Variants in PIK3CG observed in about 807,000 individuals in gnomAD.
PIK3CG encodes phosphatidylinositol-4,5-bisphosphate 3-kinase catalytic subunit gamma.
A neutral mutation model predicts 102.3 loss-of-function variants in PIK3CG; 55 were observed. That is an observed-to-expected ratio of 0.54 (90% confidence interval 0.43 to 0.67). The LOEUF (loss-of-function observed/expected upper bound fraction) is 0.67. Among genes scored for constraint, PIK3CG ranks in the 30% least tolerant of loss-of-function variants. The pLI is 0.00. For missense variants in PIK3CG, 1,258 were observed against 1,391.8 expected, an observed-to-expected ratio of 0.90 and a Z score of 1.53; for synonymous variants, 552 against 540.0, an observed-to-expected ratio of 1.02 and a Z score of -0.31.
In PIK3CG at chr7:106,897,466, A is replaced by G. The variant is rs1309642711; in HGVS notation, c.3031-7643A>G. 6.6e-5 allele frequency among the ~76,000 whole-genome samples: 10 copies of G among 152,124 alleles called. No individual in the cohort carries two copies. ...GTCACAGGGGTTTGTTGTACACATC[A>G]TTTCGTCACCCAGGCATTAAGCCCA... On this transcript the variant is annotated intron_variant, in intron 10 of 10. Transcript: ENST00000496166. This position sits in a 1 kb window ranked among gnomAD's most constrained non-coding sequence, Gnocchi z 4.6.
chr7:106,867,807 CGTG>C lies in PIK3CG; in HGVS notation c.248_250del (p.Val83del). 1.9e-6 allele frequency: 3 copies of C among 1,612,490 alleles called. No individual in the cohort carries two copies. The highest frequency in any genetic ancestry group is 2.5e-6 in the Non-Finnish European group (3 of 1,179,948). Reference sequence around the variant, plus strand: ...TGTGGCTGCGAGCGCTGGAGACCAGCGTGGCGGCGGACTTCTACCACCGGCTGG... The same window carrying C: ...TGTGGCTGCGAGCGCTGGAGACCAGCGCGGCGGACTTCTACCACCGGCTGG... On this transcript the variant is annotated inframe_deletion, in exon 2 of 11. Transcript: ENST00000496166. The surrounding 1 kb of genome is among the most constrained non-coding windows in gnomAD (Gnocchi z 5.1).
In PIK3CG at chr7:106,865,414, G is replaced by T. The variant is rs577617641; in HGVS notation, c.-25G>T. ...ATGATCCTTCAGCATCATCGCCTCC[G>T]CTGCTTTATCAGGTATTGCTTCCTT... On this transcript the variant is annotated 5_prime_UTR_variant, in exon 1 of 11. Transcript: ENST00000496166. 1 of 152,252 alleles carries T rather than the reference G, an allele frequency of 6.6e-6. No individual in the cohort carries two copies. The highest frequency in any genetic ancestry group is 1.9e-4 in the East Asian group (1 of 5,182). 9.4% of individuals were successfully genotyped at this position (152,252 alleles called of 1,614,324 possible).
chr7:106,878,426 A>AT (rs1294013880), intron 5 of PIK3CG, among the ~76,000 whole-genome samples: 2 of 152,012 alleles, frequency 1.3e-5, no homozygotes, highest in Admixed American at 6.6e-5. Context: ...TTTTCAACCA[A>AT]TTTTTTATGT....
chr7:106,904,640 C>T (rs1451256081), intron 10 of PIK3CG, among the ~76,000 whole-genome samples: 2 of 152,178 alleles, frequency 1.3e-5, no homozygotes, highest in Non-Finnish European at 2.9e-5. Flanking sequence ...TTTTCTTAGA[C>T]TTGAACAGAG....
Position 106,891,420 on chromosome 7 carries a change from C to T in PIK3CG, c.3030+5128C>T, listed in dbSNP as rs1018668498. Among the ~76,000 whole-genome samples the T allele has an allele frequency of 6.6e-6, 1 of 152,126 alleles. No individual in the cohort carries two copies. The highest frequency in any genetic ancestry group is 2.1e-4 in the South Asian group (1 of 4,828). ...ACAAATATGTGAGTGTAATATGGTA[C>T]ATATTCACATTTTTGTAGAGATTTC... On this transcript the variant is annotated intron_variant, in intron 10 of 10. Transcript: ENST00000496166. This position sits in a 1 kb window ranked among gnomAD's most constrained non-coding sequence, Gnocchi z 4.4.
In PIK3CG at chr7:106,867,722, C is replaced by T. The variant is rs758881061; in HGVS notation, c.161C>T (p.Pro54Leu). The T allele has an allele frequency of 1.9e-6, 3 of 1,613,112 alleles. No homozygotes were observed. Among genetic ancestry groups the T allele is most frequent in the Non-Finnish European group, 2.5e-6 (3 of 1,179,876 alleles). The change falls in exon 2 of 11, where the codon CCC becomes CTC. Residue 54 changes from proline to leucine, a missense_variant. Around this residue, in one of 2 missense-constraint regions of PIK3CG, gnomAD observed 832 missense variants for 787.5 expected, o/e 1.06. Coordinates refer to ENST00000496166, the MANE Select transcript of PIK3CG (RefSeq NM_001282426.2). The surrounding 1 kb of genome is among the most constrained non-coding windows in gnomAD (Gnocchi z 5.1). ...ACCAGCCAGCGCAAATGCAAGAGCC[C>T]CGAAACGGCGCTGCTGCACGTGGCC... The part of the protein sequence containing the change: ...LPTSQRKCKS[P>L]ETALLHVAGH...
At chr7:106,878,229 T>G (rs1013255304) in intron 5 of PIK3CG, among the ~76,000 whole-genome samples, 3 of 152,170 alleles carry the variant, frequency 2.0e-5, no homozygotes, top group Non-Finnish European at 4.4e-5. Context: ...TGATGATGAG[T>G]CTTATCTTTG....
In PIK3CG at chr7:106,869,514, G is replaced by A; in HGVS notation, c.1953G>A (p.Leu651=). The A allele has an allele frequency of 1.2e-6, 2 of 1,613,784 alleles. No individual in the cohort carries two copies. Among genetic ancestry groups the A allele is most frequent in the Non-Finnish European group, 1.7e-6 (2 of 1,179,792 alleles). Residue 651 remains leucine (L), a synonymous_variant, in exon 2 of 11, where the codon TTG becomes TTA. Transcript: ENST00000496166. This position sits in a 1 kb window ranked among gnomAD's most constrained non-coding sequence, Gnocchi z 5.3. ...RAIAVQKLES[L]EDDDVLHYLL... Reference sequence around the variant, plus strand: ...TTGCAGTTCAGAAACTGGAGAGCTTGGAGGACGATGATGTTCTGCATTACC... The same window carrying A: ...TTGCAGTTCAGAAACTGGAGAGCTTAGAGGACGATGATGTTCTGCATTACC...
intron 10 of PIK3CG, among the ~76,000 whole-genome samples, chr7:106,888,219 G>A (rs1008424164): frequency 2.0e-5 from 3 of 152,112 alleles, no homozygotes; most frequent in East Asian, 3.9e-4. Context: ...GATTACAGGC[G>A]TGAGCCACTG....
chr7:106,884,154 G>A lies in PIK3CG; in HGVS notation c.2761-1G>A, dbSNP rs1791018881. 6.2e-7 allele frequency: 1 copy of A among 1,607,320 alleles called. No homozygotes were observed. The highest frequency in any genetic ancestry group is 8.5e-7 in the Non-Finnish European group (1 of 1,174,810). ...CTAATATTCAAATGCATTTTAATTA[G>A]TTTCAGGCAGCAGTGGAGAGATTTG... On this transcript the variant is annotated splice_acceptor_variant, in intron 8 of 10. Coordinates refer to ENST00000496166, the MANE Select transcript of PIK3CG (RefSeq NM_001282426.2). LOFTEE classifies it high-confidence loss of function. The surrounding 1 kb of genome is among the most constrained non-coding windows in gnomAD (Gnocchi z 4.2).
In PIK3CG at chr7:106,893,840, T is replaced by G. The variant is rs1333960992; in HGVS notation, c.3030+7548T>G. On this transcript the variant is annotated intron_variant, in intron 10 of 10. Coordinates refer to ENST00000496166, the MANE Select transcript of PIK3CG (RefSeq NM_001282426.2). The surrounding 1 kb of genome is among the most constrained non-coding windows in gnomAD (Gnocchi z 4.4). ...CAGAGTGAACTTACACAAACCTAGG[T>G]GGTAGTCTTCCACACACCTAGGCTA... Among the ~76,000 whole-genome samples the G allele has an allele frequency of 6.6e-6, 1 of 152,126 alleles. No individual in the cohort carries two copies. The highest frequency in any genetic ancestry group is 1.5e-5 in the Non-Finnish European group (1 of 68,004).
rs2116520334 is a variant in PIK3CG, at chr7:106,879,432, A to T, written c.2392-87A>T. ...CTAGGACTTTGTCCTTGTTGTTTAT[A>T]GTGATGTTTTGCAAGAGAATTTGTG... On this transcript the variant is annotated intron_variant, in intron 5 of 10. Coordinates refer to ENST00000496166, the MANE Select transcript of PIK3CG (RefSeq NM_001282426.2). This position sits in a 1 kb window ranked among gnomAD's most constrained non-coding sequence, Gnocchi z 4.9. 9.7e-7 allele frequency: 1 copy of T among 1,034,808 alleles called. No homozygotes were observed. The highest frequency in any genetic ancestry group is 1.5e-6 in the Non-Finnish European group (1 of 663,620). The allele number at this position is 1,034,808 out of a possible 1,614,324, so 64.1% of individuals were successfully genotyped here.
chr7:106,884,008 C>G lies in PIK3CG; in HGVS notation c.2761-147C>G. 1 of 613,778 alleles carries G rather than the reference C, an allele frequency of 1.6e-6. No homozygotes were observed. 38.0% of individuals were successfully genotyped at this position (613,778 alleles called of 1,614,324 possible). On this transcript the variant is annotated intron_variant, in intron 8 of 10. Transcript: ENST00000496166. This position sits in a 1 kb window ranked among gnomAD's most constrained non-coding sequence, Gnocchi z 4.2. Reference sequence around the variant, plus strand: ...CAGAGCAATGAGAAAGTTGGCAATTCATAGATATAATGCTAATGAAATCAG... The same window carrying G: ...CAGAGCAATGAGAAAGTTGGCAATTGATAGATATAATGCTAATGAAATCAG...
rs1204399335 is a variant in PIK3CG, at chr7:106,897,943, TTG to T, written c.3031-7165_3031-7164del. ...AAATGGTAGTCATGCTTTTAGCTCT[TTG>T]AAGAATCGCCACATTGCTTTCCACA... On this transcript the variant is annotated intron_variant, in intron 10 of 10. Coordinates refer to ENST00000496166, the MANE Select transcript of PIK3CG (RefSeq NM_001282426.2). The surrounding 1 kb of genome is among the most constrained non-coding windows in gnomAD (Gnocchi z 4.6). Among the ~76,000 whole-genome samples, 1 of 152,192 alleles carries T rather than the reference TTG, an allele frequency of 6.6e-6. No individual in the cohort carries two copies. The highest frequency in any genetic ancestry group is 2.4e-5 in the African/African-American group (1 of 41,450).
At position 106,897,515 on chromosome 7, in the gene PIK3CG, C is replaced by T. The variant is rs1235528736; in HGVS notation, c.3031-7594C>T. ...CAGTACCCAATAGTTATCTTTTTTG[C>T]TCCTCTCCCTCCTCTCATTCTCTCC... is the stretch of plus-strand genomic sequence containing the variant. On this transcript the variant is annotated intron_variant, in intron 10 of 10. Transcript: ENST00000496166. This position sits in a 1 kb window ranked among gnomAD's most constrained non-coding sequence, Gnocchi z 4.6. Among the ~76,000 whole-genome samples the T allele has an allele frequency of 1.3e-5, 2 of 151,856 alleles. No homozygotes were observed. Among genetic ancestry groups the T allele is most frequent in the Non-Finnish European group, 2.9e-5 (2 of 67,870 alleles).
chr7:106,905,013 G>GT lies in PIK3CG; in HGVS notation c.3031-95dup. 1 of 1,073,682 alleles carries GT rather than the reference G, an allele frequency of 9.3e-7. No individual in the cohort carries two copies. The highest frequency in any genetic ancestry group is 1.4e-6 in the Non-Finnish European group (1 of 733,198). The allele number at this position is 1,073,682 out of a possible 1,614,324, so 66.5% of individuals were successfully genotyped here. On this transcript the variant is annotated intron_variant, in intron 10 of 10. Coordinates refer to ENST00000496166, the MANE Select transcript of PIK3CG (RefSeq NM_001282426.2). The surrounding 1 kb of genome is among the most constrained non-coding windows in gnomAD (Gnocchi z 5.6). Reference sequence around the variant, plus strand: ...CTTGATGGTTTCTTCTCATGGACAGGTAACTCTATGTACATTTCAGTACAT... The same window carrying GT: ...CTTGATGGTTTCTTCTCATGGACAGGTTAACTCTATGTACATTTCAGTACAT...
At chr7:106,882,997 C>G in intron 7 of PIK3CG, 36 bp from the exon 8 acceptor site, 6 of 1,610,028 alleles carry the variant, frequency 3.7e-6, no homozygotes, top group Admixed American at 1.7e-5. Context: ...GGTACTGGCC[C>G]CCAATCTCCA....
chr7:106,886,353 C>T (rs559754062), intron 10 of PIK3CG, 61 bp downstream of exon 10: 313 of 1,555,954 alleles, frequency 2.0e-4, no homozygotes, highest in Non-Finnish European at 2.4e-4. Flanking sequence ...TCCTGCAGCA[C>T]TCCGCAGCCT....
At chr7:106,896,201 G>A (rs948975136) in intron 10 of PIK3CG, among the ~76,000 whole-genome samples, 6 of 152,192 alleles carry the variant, frequency 3.9e-5, no homozygotes, top group African/African-American at 7.2e-5. Context: ...GCAGGGATAG[G>A]TGAATTCCTG....
Sources: allele counts gnomAD v4.1 joint callset (sites outside exome capture counted in the v4.1 genomes callset), GRCh38; gene constraint gnomAD v4.1.1; regional missense constraint gnomAD v4.1.1; non-coding constraint Gnocchi (gnomAD v3.1); transcripts MANE v1.5; gene names NCBI Gene and HGNC (gene_info 2026-07-23, HGNC 2026-07-21).